Variants in PRKG1 observed in about 807,000 individuals in gnomAD.
PRKG1 encodes cGMP-dependent protein kinase 1.
A neutral mutation model predicts 88.1 loss-of-function variants in PRKG1; 35 were observed. That is an observed-to-expected ratio of 0.40 (90% confidence interval 0.30 to 0.53). The LOEUF is 0.53. Among genes scored for constraint, PRKG1 ranks in the 20% least tolerant of loss-of-function variants. PRKG1 has a pLI of 0.59. For missense variants in PRKG1, 540 were observed against 839.8 expected (o/e 0.64, Z 4.41); for synonymous variants, 303 against 292.5 (o/e 1.04, Z -0.37).
chr10:52,099,080 A>G (rs1847238670), intron 7 of PRKG1, among the ~76,000 whole-genome samples: 1 of 152,144 alleles, frequency 6.6e-6, no homozygotes, highest in Admixed American at 6.5e-5. Context: ...GTAAGAAAAG[A>G]GCAGGATCAT....
At chr10:51,727,283 A>ATAT (rs1239291329) in intron 3 of PRKG1, among the ~76,000 whole-genome samples, 4 of 145,512 alleles carry the variant, frequency 2.7e-5, no homozygotes, top group African/African-American at 1.0e-4. Flanking sequence ...GCAAAAAAAA[A>ATAT]AAATATATAT....
chr10:52,207,091 C>T (rs1251512955), intron 9 of PRKG1, among the ~76,000 whole-genome samples: 1 of 152,200 alleles, frequency 6.6e-6, no homozygotes, highest in East Asian at 1.9e-4. Flanking sequence ...TGGCAGACTG[C>T]ACATCATTGG....
intron 2 of PRKG1, among the ~76,000 whole-genome samples, chr10:51,449,245 AAAAT>A (rs1314697251): frequency 6.6e-6 from 1 of 151,928 alleles, no homozygotes; most frequent in African/African-American, 2.4e-5. Flanking sequence ...AAATAAATAA[AAAAT>A]AAATAAATAA....
intron 8 of PRKG1, among the ~76,000 whole-genome samples, chr10:52,147,118 A>C (rs1837749957): frequency 6.6e-6 from 1 of 152,224 alleles, no homozygotes; most frequent in Admixed American, 6.6e-5. Flanking sequence ...GAGACTTCAG[A>C]AAACTGGGAG....
intron 4 of PRKG1, among the ~76,000 whole-genome samples, chr10:51,832,562 TC>T (rs1453893125): frequency 1.3e-5 from 2 of 152,186 alleles, no homozygotes; most frequent in Non-Finnish European, 1.5e-5. Flanking sequence ...GAAATTTTTT[TC>T]CACCCTCTGT....
At chr10:51,018,949 T>C (rs1235341014) in intron 1 of PRKG1, among the ~76,000 whole-genome samples, 1 of 152,222 alleles carries the variant, frequency 6.6e-6, no homozygotes, top group Non-Finnish European at 1.5e-5. Flanking sequence ...AAATACATTT[T>C]ATAGGACAAG....
intron 3 of PRKG1, among the ~76,000 whole-genome samples, chr10:51,747,862 C>T (rs916084450): frequency 6.6e-6 from 1 of 152,082 alleles, no homozygotes; most frequent in African/African-American, 2.4e-5. Context: ...CTCCGCCTCC[C>T]AGGTTCAAGC....
chr10:51,078,426 C>T (rs1844020089), intron 1 of PRKG1, among the ~76,000 whole-genome samples: 7 of 128,746 alleles, frequency 5.4e-5, no homozygotes, highest in Admixed American at 4.2e-4. Flanking sequence ...GATGGGGTTT[C>T]GCCATTTTGG....
At chr10:52,250,218 A>T (rs985894563) in intron 9 of PRKG1, among the ~76,000 whole-genome samples, 2 of 152,232 alleles carry the variant, frequency 1.3e-5, no homozygotes, top group African/African-American at 4.8e-5. Context: ...AAACACCATT[A>T]GGATGGACTA....
chr10:51,918,035 C>G (rs1429241869), intron 5 of PRKG1, among the ~76,000 whole-genome samples: 1 of 152,210 alleles, frequency 6.6e-6, no homozygotes, highest in African/African-American at 2.4e-5. Context: ...CTTATTGATG[C>G]AAACTCTGTG....
At chr10:51,529,489 A>T (rs1053588255) in intron 3 of PRKG1, among the ~76,000 whole-genome samples, 3 of 152,114 alleles carry the variant, frequency 2.0e-5, no homozygotes, top group African/African-American at 7.2e-5. Context: ...CCTACCGCTC[A>T]CCTGCTCACT....
chr10:52,079,601 A>G (rs1846717632), intron 7 of PRKG1, among the ~76,000 whole-genome samples: 1 of 152,084 alleles, frequency 6.6e-6, no homozygotes, highest in South Asian at 2.1e-4. Context: ...TCCTAGAGGC[A>G]AGGTTCACTG....
Position 50,991,326 on chromosome 10 carries a change from G to A in PRKG1, c.-53G>A, listed in dbSNP as rs1350103161. ...TGCCGTCCCAGCCGCCGCCGCCGCC[G>A]CCGCCGCCGCCGCCGCCCGAGAAAA... On this transcript the variant is annotated 5_prime_UTR_variant, in exon 1 of 18. Transcript: ENST00000401604. The surrounding 1 kb of genome is among the most constrained non-coding windows in gnomAD (Gnocchi z 4.5). 6.1e-6 allele frequency: 9 copies of A among 1,486,704 alleles called. No individual in the cohort carries two copies. The highest frequency in any genetic ancestry group is 1.5e-5 in the African/African-American group (1 of 65,922). The allele number at this position is 1,486,704 out of a possible 1,614,324, so 92.1% of individuals were successfully genotyped here. A position where few individuals can be genotyped will look rare whatever the true frequency, so the allele number is the denominator to read the frequency against.
intron 3 of PRKG1, among the ~76,000 whole-genome samples, chr10:51,769,232 T>A (rs1838244427): frequency 6.6e-6 from 1 of 152,138 alleles, no homozygotes; most frequent in African/African-American, 2.4e-5. Flanking sequence ...TCAGAGTGGT[T>A]CTCTGAATGA....
At chr10:52,032,504 T>C (rs1845497714) in intron 5 of PRKG1, among the ~76,000 whole-genome samples, 1 of 152,240 alleles carries the variant, frequency 6.6e-6, no homozygotes, top group Non-Finnish European at 1.5e-5. Context: ...GTCTAGCATG[T>C]GATAAATGTT....
intron 7 of PRKG1, chr10:52,081,679 A>T: frequency 2.2e-6 from 1 of 456,642 alleles, no homozygotes; most frequent in Non-Finnish European, 4.4e-6. Flanking sequence ...CGAGAAAAAG[A>T]AGCTAGAAGA....
At chr10:51,243,218 A>T (rs1839200767) in intron 2 of PRKG1, among the ~76,000 whole-genome samples, 1 of 152,152 alleles carries the variant, frequency 6.6e-6, no homozygotes, top group Non-Finnish European at 1.5e-5. Context: ...CAGGACACAG[A>T]CAGCTGACTT....
At chr10:51,763,071 T>C (rs1284825220) in intron 3 of PRKG1, among the ~76,000 whole-genome samples, 1 of 152,160 alleles carries the variant, frequency 6.6e-6, no homozygotes, top group East Asian at 1.9e-4. Flanking sequence ...TCCATCTTTA[T>C]TTAGGAAGAA....
At chr10:51,228,304 T>C (rs545326940) in intron 2 of PRKG1, among the ~76,000 whole-genome samples, 3 of 152,194 alleles carry the variant, frequency 2.0e-5, no homozygotes, top group Non-Finnish European at 4.4e-5. Context: ...GCTGAGGTTA[T>C]GGGGCAAGTG....
Sources: allele counts gnomAD v4.1 joint callset (sites outside exome capture counted in the v4.1 genomes callset), GRCh38; gene constraint gnomAD v4.1.1; non-coding constraint Gnocchi (gnomAD v3.1); transcripts MANE v1.5; gene names NCBI Gene and HGNC (gene_info 2026-07-23, HGNC 2026-07-21).